The following DYSF variants were observed in gnomAD, a reference collection of about 807,000 sequenced individuals.
DYSF encodes dysferlin.
DYSF carries 212 observed loss-of-function variants against 274.9 expected under a neutral mutation model. The ratio of observed to expected loss-of-function variants is 0.77; its 90% CI spans 0.69 to 0.86. The LOEUF is 0.86. Among genes scored for constraint, DYSF ranks in the 40% least tolerant of loss-of-function variants. DYSF has a pLI of 0.00. For missense variants in DYSF, 2,666 were observed against 2,783.2 expected, an observed-to-expected ratio of 0.96 and a Z score of 0.95; for synonymous variants, 1,091 against 1,078.7, an observed-to-expected ratio of 1.01 and a Z score of -0.22.
intron 44 of DYSF, 60 bp from the exon 45 acceptor site, chr2:71,660,500 G>A (rs2094859143): frequency 6.9e-7 from 1 of 1,442,224 alleles, no homozygotes; most frequent in African/African-American, 1.4e-5. Flanking sequence ...AGGCACTCAT[G>A]AAGCCTCAAA....
chr2:71,610,291 A>G (rs897789659), intron 36 of DYSF, among the ~76,000 whole-genome samples: 3 of 152,354 alleles, frequency 2.0e-5, no homozygotes, highest in Admixed American at 6.5e-5. Flanking sequence ...AAGGTTATAC[A>G]GGTATTAACT....
chr2:71,507,936 T>C (rs2085666861), intron 4 of DYSF, among the ~76,000 whole-genome samples: 2 of 152,204 alleles, frequency 1.3e-5, no homozygotes, highest in African/African-American at 4.8e-5. Context: ...ACTACAAGCA[T>C]GGCTACCACG....
rs889559670 is a variant in DYSF at position 71,644,175 on chromosome 2, C to T, written c.4626+112C>T. 10 of 971,572 alleles carry T rather than the reference C, an allele frequency of 1.0e-5. 1 individual carries two copies. Among genetic ancestry groups the T allele is most frequent in the South Asian group, 5.5e-5 (4 of 72,176 alleles). 60.2% of individuals were successfully genotyped at this position (971,572 alleles called of 1,614,324 possible). On this transcript the variant is annotated intron_variant, in intron 42 of 55. Coordinates refer to ENST00000410020, the MANE Select transcript of DYSF (RefSeq NM_001130987.2). ...ATGTATTTGCATTTGTCTCCTCATT[C>T]GGTGTCTGAGGGTGATGAATGCTGC...
chr2:71,462,448 T>G (rs1232781031), upstream of DYSF, among the ~76,000 whole-genome samples: 1 of 151,812 alleles, frequency 6.6e-6, no homozygotes, highest in Non-Finnish European at 1.5e-5. Flanking sequence ...CCCAAAGTGC[T>G]GAAGCTTTAT....
chr2:71,476,101 A>T (rs1028936843), intron 1 of DYSF, among the ~76,000 whole-genome samples: 6 of 152,134 alleles, frequency 3.9e-5, no homozygotes, highest in Non-Finnish European at 7.4e-5. Context: ...TGTACATGGA[A>T]CTTGGGGGGA....
At chr2:71,676,957 ATAT>A (rs1573159487) in intron 52 of DYSF, among the ~76,000 whole-genome samples, 1 of 142,450 alleles carries the variant, frequency 7.0e-6, no homozygotes, top group African/African-American at 2.6e-5. Context: ...GTGTGGTTTA[ATAT>A]TCTGACATTT....
chr2:71,550,011 G>A (rs780722963), intron 17 of DYSF, among the ~76,000 whole-genome samples: 2 of 152,158 alleles, frequency 1.3e-5, no homozygotes, highest in African/African-American at 4.8e-5. Context: ...TCATCCCTAG[G>A]GTCTGGGCAG....
intron 40 of DYSF, among the ~76,000 whole-genome samples, chr2:71,613,794 A>C (rs1222402462): frequency 6.6e-6 from 1 of 152,068 alleles, no homozygotes; most frequent in African/African-American, 2.4e-5. Context: ...CCATCTCCCT[A>C]TCTGGGACAG....
intron 14 of DYSF, among the ~76,000 whole-genome samples, chr2:71,531,645 T>C (rs1456118921): frequency 3.3e-5 from 5 of 150,988 alleles, no homozygotes; most frequent in Non-Finnish European, 5.9e-5. Context: ...CTGTGTAGTC[T>C]CATGTTTTTC....
chr2:71,466,580 C>G, upstream of DYSF: 1 of 1,153,494 alleles, frequency 8.7e-7, no homozygotes, highest in Non-Finnish European at 1.1e-6. Context: ...AGGCGCCCGT[C>G]TGACCCCTGT....
chr2:71,466,569 C>T, upstream of DYSF: 1 of 1,070,214 alleles, frequency 9.3e-7, no homozygotes, highest in Non-Finnish European at 1.2e-6. Context: ...AGCACCCCCA[C>T]AGGCGCCCGT....
At chr2:71,663,344 C>A (rs2094936529) in intron 45 of DYSF, among the ~76,000 whole-genome samples, 1 of 152,224 alleles carries the variant, frequency 6.6e-6, no homozygotes, top group African/African-American at 2.4e-5. Context: ...AGCTGCTGTC[C>A]CCAGCCCCTG....
intron 36 of DYSF, among the ~76,000 whole-genome samples, chr2:71,609,642 G>T (rs1239425927): frequency 6.6e-6 from 1 of 152,214 alleles, no homozygotes; most frequent in Non-Finnish European, 1.5e-5. Flanking sequence ...TCTGTCCAAG[G>T]CCTAATGGCG....
chr2:71,467,090 AG>A (rs565206543), intron 1 of DYSF, among the ~76,000 whole-genome samples, 157 bp downstream of exon 1: 15 of 152,192 alleles, frequency 9.9e-5, no homozygotes, highest in Non-Finnish European at 1.8e-4. Context: ...CGACTTCTGC[AG>A]GGGGGCGATG....
chr2:71,609,544 G>A (rs931073821), intron 36 of DYSF, among the ~76,000 whole-genome samples: 8 of 152,158 alleles, frequency 5.3e-5, no homozygotes, highest in Admixed American at 3.3e-4. Flanking sequence ...TGTGCCAGGC[G>A]CTCTTCAGAT....
chr2:71,513,898 T>A lies in DYSF; in HGVS notation c.736T>A (p.Ser246Thr). The A allele has an allele frequency of 6.2e-7, 1 of 1,614,196 alleles. No individual in the cohort carries two copies. Among genetic ancestry groups the A allele is most frequent in the Non-Finnish European group, 8.5e-7 (1 of 1,180,020 alleles). ...RSAPTSRKLL[S>T]DKPQDFQIRV... is the part of the protein sequence containing the mutation. ...TGCGCCTACATCTAGAAAGCTGCTG[T>A]CAGACAAACCGCAGGATTTCCAGGT... The change falls in exon 7 of 56, where the codon TCA becomes ACA. Residue 246 changes from serine (S) to threonine (T), a missense_variant. Ser to Thr is a moderately conservative substitution (Grantham distance 58). Transcript: ENST00000410020.
chr2:71,680,481 C>G (rs1000989522), intron 53 of DYSF, among the ~76,000 whole-genome samples: 24 of 152,094 alleles, frequency 1.6e-4, no homozygotes, highest in Non-Finnish European at 1.2e-4. Context: ...AAATAAATAA[C>G]CCAATAAATT....
intron 14 of DYSF, among the ~76,000 whole-genome samples, chr2:71,529,400 G>C (rs998063394): frequency 6.6e-6 from 1 of 152,164 alleles, no homozygotes; most frequent in East Asian, 1.9e-4. Context: ...GGATTTGTTC[G>C]ATTGTTTCCT....
chr2:71,475,445 C>T (rs933463063), intron 1 of DYSF, among the ~76,000 whole-genome samples: 2 of 152,200 alleles, frequency 1.3e-5, no homozygotes, highest in East Asian at 1.9e-4. Context: ...GCTAGAAGCA[C>T]ACTGCTACAC....
Sources: allele counts gnomAD v4.1 joint callset (sites outside exome capture counted in the v4.1 genomes callset), GRCh38; gene constraint gnomAD v4.1.1; transcripts MANE v1.5; gene names NCBI Gene and HGNC (gene_info 2026-07-23, HGNC 2026-07-21).